The following NTNG1 variants were observed in gnomAD, a reference collection of about 807,000 sequenced individuals.
NTNG1 encodes the protein netrin-G1.
In NTNG1, 16 loss-of-function variants were observed where a neutral mutation model predicts 54.0. The ratio of observed to expected loss-of-function variants is 0.30; its 90% CI spans 0.20 to 0.45. NTNG1 has a LOEUF of 0.45. Ranked by LOEUF, NTNG1 falls within the 20% of genes least tolerant of loss-of-function variation. The pLI is 1.00. For synonymous variants in NTNG1, 255 were observed against 263.1 expected (o/e 0.97, Z 0.30); for missense variants, 530 against 678.7 (o/e 0.78, Z 2.43).
At chr1:107,214,624 T>G (rs959827589) in intron 2 of NTNG1, among the ~76,000 whole-genome samples, 6 of 152,330 alleles carry the variant, frequency 3.9e-5, no homozygotes, top group Admixed American at 2.0e-4. Flanking sequence ...TCTTTTCCTC[T>G]GGGTGGATAC....
At chr1:107,307,383 GTGA>G (rs1172123791) in intron 2 of NTNG1, among the ~76,000 whole-genome samples, 2 of 152,116 alleles carry the variant, frequency 1.3e-5, no homozygotes, top group Non-Finnish European at 2.9e-5. Context: ...AGCAATGATA[GTGA>G]TGATGATGAT....
At chr1:107,155,742 G>A (rs1301093685) in intron 2 of NTNG1, among the ~76,000 whole-genome samples, 1 of 152,112 alleles carries the variant, frequency 6.6e-6, no homozygotes, top group Non-Finnish European at 1.5e-5. Flanking sequence ...GCAAATAAAT[G>A]ATAACATGGT....
chr1:107,437,603 G>A (rs1294592358), intron 7 of NTNG1, among the ~76,000 whole-genome samples: 2 of 151,990 alleles, frequency 1.3e-5, no homozygotes. Context: ...GTAGCAGTGT[G>A]GTCCAATAGA....
At chr1:107,452,906 T>A (rs1035912040) in intron 7 of NTNG1, among the ~76,000 whole-genome samples, 9 of 152,184 alleles carry the variant, frequency 5.9e-5, no homozygotes, top group African/African-American at 2.2e-4. Flanking sequence ...GTATAAAGAA[T>A]TGAAAGTCCA....
intron 2 of NTNG1, among the ~76,000 whole-genome samples, chr1:107,185,990 C>T (rs1443545515): frequency 1.3e-5 from 2 of 152,056 alleles, no homozygotes; most frequent in Non-Finnish European, 2.9e-5. Flanking sequence ...GTACATTGTA[C>T]CCACTAGGTA....
chr1:107,185,588 G>A (rs1440708686), intron 2 of NTNG1, among the ~76,000 whole-genome samples: 1 of 152,126 alleles, frequency 6.6e-6, no homozygotes, highest in Non-Finnish European at 1.5e-5. Flanking sequence ...CACTTTCTGA[G>A]GTTTGAGTGG....
rs555948080 is a variant in NTNG1 at position 107,370,301 on chromosome 1, C to T, written c.888-24853C>T. Among the ~76,000 whole-genome samples, 207 of 147,868 alleles carry T rather than the reference C, an allele frequency of 1.4e-3. 1 individual carries two copies. The highest frequency in any genetic ancestry group is 4.8e-3 in the African/African-American group (193 of 40,302). ...CAAAGGAGAGGATTACTTGAGAGTG[C>T]GTTGAATCCATTGATAAGTTTAGGG... On this transcript the variant is annotated intron_variant, in intron 3 of 7. Coordinates refer to ENST00000370068, the MANE Select transcript of NTNG1 (RefSeq NM_001113226.3).
intron 2 of NTNG1, among the ~76,000 whole-genome samples, chr1:107,183,963 A>C (rs2101145937): frequency 6.6e-6 from 1 of 152,164 alleles, no homozygotes; most frequent in South Asian, 2.1e-4. Context: ...CTATCCCAAA[A>C]CTTAGTGGCA....
At chr1:107,361,174 ATAT>A (rs1052052751) in intron 3 of NTNG1, among the ~76,000 whole-genome samples, 1 of 144,500 alleles carries the variant, frequency 6.9e-6, no homozygotes, top group Non-Finnish European at 1.5e-5. Context: ...AATATAATAT[ATAT>A]TATATTATAT....
chr1:107,164,981 T>G (rs1008209806), intron 2 of NTNG1, among the ~76,000 whole-genome samples: 1 of 152,040 alleles, frequency 6.6e-6, no homozygotes, highest in Admixed American at 6.5e-5. Flanking sequence ...TAATTCCGAT[T>G]GGCTATTTTA....
At chr1:107,384,162 T>G (rs886349687) in intron 3 of NTNG1, among the ~76,000 whole-genome samples, 2 of 152,152 alleles carry the variant, frequency 1.3e-5, no homozygotes, top group Admixed American at 1.3e-4. Flanking sequence ...ACTTATAAGC[T>G]CCTATCTTCA....
At chr1:107,143,954 A>G (rs1222397418) in intron 1 of NTNG1, among the ~76,000 whole-genome samples, 2 of 152,088 alleles carry the variant, frequency 1.3e-5, no homozygotes, top group Non-Finnish European at 2.9e-5. Flanking sequence ...ATTTGGGTTT[A>G]TTAAGAATCT....
intron 2 of NTNG1, among the ~76,000 whole-genome samples, chr1:107,277,728 C>G (rs1664573482): frequency 6.6e-6 from 1 of 152,148 alleles, no homozygotes; most frequent in Non-Finnish European, 1.5e-5. Flanking sequence ...AGAAGAATCA[C>G]ATTTGACAAA....
intron 2 of NTNG1, among the ~76,000 whole-genome samples, chr1:107,277,404 G>T (rs1189957635): frequency 6.6e-6 from 1 of 152,102 alleles, no homozygotes; most frequent in Non-Finnish European, 1.5e-5. Context: ...CTACAGTCTT[G>T]CATCTAAACA....
At chr1:107,199,067 C>A (rs373307762) in intron 2 of NTNG1, among the ~76,000 whole-genome samples, 2 of 151,676 alleles carry the variant, frequency 1.3e-5, no homozygotes, top group East Asian at 3.9e-4. Context: ...TTATTTCTCA[C>A]TTTGAAAAGT....
chr1:107,314,072 C>T (rs558034669), intron 2 of NTNG1, among the ~76,000 whole-genome samples: 237 of 152,176 alleles, frequency 1.6e-3, no homozygotes, highest in African/African-American at 5.1e-3. Context: ...TATTTTAACC[C>T]CTCAGGTGAC....
At chr1:107,286,437 AT>A (rs1416512746) in intron 2 of NTNG1, among the ~76,000 whole-genome samples, 3 of 152,218 alleles carry the variant, frequency 2.0e-5, no homozygotes, top group Non-Finnish European at 2.9e-5. Flanking sequence ...GCAAGGAAAA[AT>A]TAGTAAACTG....
At chr1:107,228,147 C>A (rs1660812010) in intron 2 of NTNG1, among the ~76,000 whole-genome samples, 2 of 152,174 alleles carry the variant, frequency 1.3e-5, no homozygotes, top group Admixed American at 1.3e-4. Context: ...AGATTTGAAT[C>A]ACAAGGATTC....
chr1:107,457,750 A>G (rs1200481588), intron 7 of NTNG1, among the ~76,000 whole-genome samples: 1 of 152,154 alleles, frequency 6.6e-6, no homozygotes, highest in Admixed American at 6.5e-5. Context: ...CAGTAGACTT[A>G]TGAGTTTGTA....
Sources: allele counts gnomAD v4.1 joint callset (sites outside exome capture counted in the v4.1 genomes callset), GRCh38; gene constraint gnomAD v4.1.1; transcripts MANE v1.5; gene names NCBI Gene and HGNC (gene_info 2026-07-23, HGNC 2026-07-21).